The following NRAP variants were observed in gnomAD, a reference collection of about 807,000 sequenced individuals.
The protein encoded by NRAP is nebulin related anchoring protein, also known as nebulin-related-anchoring protein.
Under a neutral mutation model 225.9 loss-of-function variants are expected in NRAP, and 189 were observed. The observed-to-expected ratio is 0.84, with a 90% CI of 0.74 to 0.94. NRAP has a LOEUF of 0.94. Ranked by LOEUF, NRAP falls within the 40% of genes least tolerant of loss-of-function variation. The probability of loss-of-function intolerance (pLI) is 0.00; values close to 1 mark genes in which losing one functional copy is unlikely to be tolerated. For synonymous variants in NRAP, 769 were observed against 790.7 expected (o/e 0.97, Z 0.46); for missense variants, 2,176 against 2,168.7 (o/e 1.00, Z -0.07).
At position 113,598,817 on chromosome 10, in the gene NRAP, T is replaced by C. The variant is rs138236489; in HGVS notation, c.4228-744A>G. Reference sequence around the variant, plus strand: ...TTATGATTTGTTTATATTCCAAAAATAGGCTAAGCCTTATTTTCTTTCCTC... The same window carrying C: ...TTATGATTTGTTTATATTCCAAAAACAGGCTAAGCCTTATTTTCTTTCCTC... On this transcript the variant is annotated intron_variant, in intron 35 of 41. Transcript: ENST00000359988. 2.4e-4 allele frequency among the ~76,000 whole-genome samples: 37 copies of C among 152,360 alleles called. 2 individuals are homozygous for C. The East Asian group carries it at 6.9e-3, about 29-fold the overall frequency.
chr10:113,595,619 T>C lies in NRAP; in HGVS notation c.4536+4A>G. ...CACGTTCCATGAACCACCAGTTCAC[T>C]TACGTCACTCAGATGCAGCGCATTG... On this transcript the variant is annotated splice_donor_region_variant and intron_variant, in intron 38 of 41. Transcript: ENST00000359988. The C allele has an allele frequency of 6.3e-7, 1 of 1,587,162 alleles. No individual in the cohort carries two copies. The highest frequency in any genetic ancestry group is 1.1e-5 in the South Asian group (1 of 90,546).
In NRAP at chr10:113,623,606, T is replaced by G. The variant is rs758346715; in HGVS notation, c.2380A>C (p.Lys794Gln). The change falls in exon 23 of 42, where the codon AAA (lysine) becomes CAA (glutamine). Residue 794 changes from lysine to glutamine, a missense_variant. By Grantham distance (53) the Lys-to-Gln change is moderately conservative. Transcript: ENST00000359988. The stretch of plus-strand genomic sequence containing the variant: ...AGACGCAGCTCAAACCCTTTTGCTT[T>G]CTGGTTTTCCCAGCTGCTCTTATAC... ...KLYKSSWENQ[K>Q]AKGFELRLDS... is the part of the protein sequence containing the mutation. 23 of 1,613,924 alleles carry G rather than the reference T, an allele frequency of 1.4e-5. No homozygotes were observed. Among genetic ancestry groups the G allele is most frequent in the East Asian group, 6.7e-5 (3 of 44,896 alleles).
intron 14 of NRAP, among the ~76,000 whole-genome samples, 157 bp downstream of exon 14, chr10:113,640,070 C>T (rs1936181): frequency 2.0e-5 from 3 of 152,270 alleles, no homozygotes; most frequent in Non-Finnish European, 2.9e-5. Flanking sequence ...AATGAACTTC[C>T]TAGTGGAAAA....
intron 28 of NRAP, 125 bp from the exon 29 acceptor site, chr10:113,614,421 C>A (rs1033667891): frequency 1.4e-6 from 1 of 697,410 alleles, no homozygotes; most frequent in East Asian, 2.6e-5. Flanking sequence ...AAAGAAAATG[C>A]GCGGGAGTCG....
chr10:113,633,628 G>A (rs540735957), intron 15 of NRAP, among the ~76,000 whole-genome samples: 2 of 152,208 alleles, frequency 1.3e-5, no homozygotes, highest in African/African-American at 4.8e-5. Flanking sequence ...GGCATCATCC[G>A]AGAAGCAGTC....
chr10:113,621,906 A>G lies in NRAP; in HGVS notation c.2732T>C (p.Val911Ala). 3 of 1,613,420 alleles carry G rather than the reference A, an allele frequency of 1.9e-6. No homozygotes were observed. Among genetic ancestry groups the G allele is most frequent in the Non-Finnish European group, 2.5e-6 (3 of 1,179,546 alleles). The change falls in exon 24 of 42, where the codon GTG becomes GCG. Residue 911 changes from valine (V) to alanine (A), a missense_variant. Val to Ala is a moderately conservative substitution (Grantham distance 64). Coordinates refer to ENST00000359988, the MANE Select transcript of NRAP (RefSeq NM_198060.4). ...HFTALPTDMK[V>A]EWAKKAYGLQ... ...GCCATAAGCCTTCTTGGCCCATTCC[A>G]CCTTCATGTCTGTGGGCAAAGCCGT...
At chr10:113,630,884 T>G (rs1318694443) in intron 18 of NRAP, among the ~76,000 whole-genome samples, 1 of 152,176 alleles carries the variant, frequency 6.6e-6, no homozygotes, top group Non-Finnish European at 1.5e-5. Context: ...GGCAATCTTT[T>G]GTGTCTTTTT....
At chr10:113,617,587 T>C (rs745439024) in intron 25 of NRAP, 34 bp from the exon 26 acceptor site, 6 of 1,286,366 alleles carry the variant, frequency 4.7e-6, no homozygotes, top group Non-Finnish European at 6.8e-6. Context: ...GCTGTGAATT[T>C]TGTGCTGCTC....
intron 33 of NRAP, 140 bp downstream of exon 33, chr10:113,606,038 G>T: frequency 1.3e-6 from 1 of 782,592 alleles, no homozygotes; most frequent in Admixed American, 2.0e-5. Flanking sequence ...TTGTGAGAAG[G>T]TGTATTTAAC....
At chr10:113,597,210 A>C in intron 36 of NRAP, 26 bp from the exon 37 acceptor site, 153 of 1,430,950 alleles carry the variant, frequency 1.1e-4, no homozygotes, top group Non-Finnish European at 1.4e-4. Flanking sequence ...AAAGATTCTC[A>C]TGAAACACAG....
At chr10:113,641,692 A>C (rs1849213950) in intron 12 of NRAP, among the ~76,000 whole-genome samples, 1 of 152,236 alleles carries the variant, frequency 6.6e-6, no homozygotes, top group Non-Finnish European at 1.5e-5. Flanking sequence ...AGACAAGGAA[A>C]CATGGGATCA....
intron 40 of NRAP, 48 bp downstream of exon 40, chr10:113,590,530 A>C: frequency 1.3e-6 from 2 of 1,560,346 alleles, no homozygotes; most frequent in Non-Finnish European, 8.7e-7. Flanking sequence ...TCTCTTAGGA[A>C]GAGGCACCAG....
rs551758938 is a variant in NRAP, at chr10:113,625,007, T to C, written c.2245-77A>G. 6.7e-5 allele frequency: 57 copies of C among 848,724 alleles called. 2 individuals are homozygous for C. In the South Asian group the frequency reaches 7.3e-4, roughly 11 times the overall value. The allele number at this position is 848,724 out of a possible 1,614,324, so 52.6% of individuals were successfully genotyped here. On this transcript the variant is annotated intron_variant, in intron 21 of 41. Transcript: ENST00000359988. ...AGGGTGGCATCCCTCATGGTGTCTC[T>C]GTCTGGTTGGCACTTCTCTGACTTG...
chr10:113,629,590 C>A lies in NRAP; in HGVS notation c.2038G>T (p.Glu680Ter). 6.2e-7 allele frequency: 1 copy of A among 1,601,662 alleles called. No homozygotes were observed. Among genetic ancestry groups the A allele is most frequent in the Non-Finnish European group, 8.6e-7 (1 of 1,168,806 alleles). ...GAACTGATAATGTGTGGGCTCACCT[C>A]GCTCTGGAGCCCATAGGCCTTCTTG... is the stretch of plus-strand genomic sequence containing the variant. Reference protein sequence around the residue: ...WAKKAYGLQSELQYKADLAWM... With the variant: ...WAKKAYGLQS The change falls in exon 19 of 42, where the codon GAG becomes TAG. Residue 680 changes from glutamate to a stop codon, truncating the protein, a stop_gained and splice_region_variant. Transcript: ENST00000359988. LOFTEE classifies it high-confidence loss of function.
rs147795113 is a variant in NRAP at position 113,598,050 on chromosome 10, G to A, written c.4251C>T (p.Ile1417=). The A allele has an allele frequency of 4.0e-5, 65 of 1,613,392 alleles. 1 individual carries two copies. In the African/African-American group the frequency reaches 4.5e-4, roughly 11 times the overall value. The stretch of plus-strand genomic sequence containing the variant: ...CCAGCCATCCTATGCCCTTCATGCC[G>A]ATCAGGTCTGACTTGTAGCGCAACT... ...QSELRYKSDL[I]GMKGIGWLAL... The change falls in exon 36 of 42, where the codon ATC becomes ATT. Residue 1417 remains isoleucine (I), a synonymous_variant. Transcript: ENST00000359988.
chr10:113,595,431 A>AT (rs1400473557), intron 38 of NRAP, among the ~76,000 whole-genome samples, 192 bp downstream of exon 38: 5 of 152,226 alleles, frequency 3.3e-5, no homozygotes. Context: ...CATTTTGCAG[A>AT]TAAAAAAAAC....
chr10:113,605,348 C>T (rs1483628181), intron 34 of NRAP, among the ~76,000 whole-genome samples: 1 of 152,192 alleles, frequency 6.6e-6, no homozygotes, highest in African/African-American at 2.4e-5. Context: ...AACAGAGTGG[C>T]TGAAACACAG....
intron 14 of NRAP, among the ~76,000 whole-genome samples, chr10:113,639,936 T>C (rs186451581): frequency 2.6e-5 from 4 of 152,310 alleles, no homozygotes; most frequent in Admixed American, 1.3e-4. Context: ...GCATTTGAAA[T>C]GTGCCCAGCA....
At position 113,593,254 on chromosome 10, in the gene NRAP, G is replaced by A. The variant is rs371517077; in HGVS notation, c.4537-953C>T. Among the ~76,000 whole-genome samples the A allele has an allele frequency of 5.9e-5, 9 of 152,242 alleles. No individual in the cohort carries two copies. In the East Asian group the frequency reaches 1.2e-3, roughly 20 times the overall value. Reference sequence around the variant, plus strand: ...GCAGGTCAGGGGGCCCTTAAGAACCGTCCTTTTGTCTCCTGGAAATGGAGG... The same window carrying A: ...GCAGGTCAGGGGGCCCTTAAGAACCATCCTTTTGTCTCCTGGAAATGGAGG... On this transcript the variant is annotated intron_variant, in intron 38 of 41. Coordinates refer to ENST00000359988, the MANE Select transcript of NRAP (RefSeq NM_198060.4).
Sources: allele counts gnomAD v4.1 joint callset (sites outside exome capture counted in the v4.1 genomes callset), GRCh38; gene constraint gnomAD v4.1.1; transcripts MANE v1.5; gene names NCBI Gene and HGNC (gene_info 2026-07-23, HGNC 2026-07-21).